Variants in C19orf47 observed in about 807,000 individuals in gnomAD.
C19orf47 encodes chromosome 19 open reading frame 47.
Under a neutral mutation model 32.3 loss-of-function variants are expected in C19orf47, and 18 were observed. The observed-to-expected ratio is 0.56, with a 90% CI of 0.39 to 0.83. The LOEUF (loss-of-function observed/expected upper bound fraction) is 0.83, where lower values mean the gene tolerates loss of function less well. C19orf47 is among the 40% of genes least tolerant of loss of function. The pLI is 0.00. For synonymous variants in C19orf47, 202 were observed against 211.1 expected (o/e 0.96, Z 0.37); for missense variants, 484 against 531.6 (o/e 0.91, Z 0.88).
Position 40,341,388 on chromosome 19 carries a change from G to T in C19orf47, c.19+451C>A, listed in dbSNP as rs555903650. On this transcript the variant is annotated intron_variant, in intron 2 of 8. Transcript: ENST00000683109. ...TATACTTTTCTATATTATAATAAAT[G>T]TCAAAATTTTTCAAAGCCACCAACT... 2.6e-5 allele frequency among the ~76,000 whole-genome samples: 4 copies of T among 152,060 alleles called. No individual in the cohort carries two copies. In the South Asian group the frequency reaches 8.3e-4, roughly 32 times the overall value.
chr19:40,309,375 G>C, the C19orf47 span, among the ~76,000 whole-genome samples: 3 of 151,998 alleles, frequency 2.0e-5, no homozygotes, highest in South Asian at 6.2e-4. Context: ...TTTTAGTAGG[G>C]ACGGGGTTTC....
At chr19:40,337,616 T>G (rs1266900010) in intron 2 of C19orf47, among the ~76,000 whole-genome samples, 4 of 152,224 alleles carry the variant, frequency 2.6e-5, no homozygotes, top group Non-Finnish European at 5.9e-5. Flanking sequence ...TATTTTAGAT[T>G]AGAAGAAATC....
chr19:40,301,232 A>AT, the C19orf47 span, among the ~76,000 whole-genome samples: 3 of 151,378 alleles, frequency 2.0e-5, no homozygotes, highest in East Asian at 1.9e-4. Context: ...ACAGATTATA[A>AT]TTTTTTTTTA....
intron 5 of C19orf47, among the ~76,000 whole-genome samples, chr19:40,333,398 G>A (rs753426815): frequency 6.6e-6 from 1 of 152,128 alleles, no homozygotes; most frequent in Middle Eastern, 3.2e-3. Context: ...ATGTGTGTGT[G>A]AGATAAGCAT....
chr19:40,345,847 TC>T (rs1201577698), intron 1 of C19orf47, among the ~76,000 whole-genome samples: 4 of 45,696 alleles, frequency 8.8e-5, no homozygotes, highest in African/African-American at 3.6e-4. Flanking sequence ...AGACTCAGTC[TC>T]AAAAAAAAAA....
At chr19:40,334,167 G>A (rs999604439) in intron 4 of C19orf47, among the ~76,000 whole-genome samples, 2 of 152,186 alleles carry the variant, frequency 1.3e-5, no homozygotes, top group African/African-American at 4.8e-5. Flanking sequence ...TGAAAAAATA[G>A]GCCAGGTGCG....
intron 1 of C19orf47, among the ~76,000 whole-genome samples, chr19:40,343,013 C>T (rs766435556): frequency 6.6e-6 from 1 of 152,136 alleles, no homozygotes; most frequent in Non-Finnish European, 1.5e-5. Context: ...AGACTGTCTC[C>T]GTTAAAAGCA....
At chr19:40,333,377 T>C (rs2077995431) in intron 5 of C19orf47, among the ~76,000 whole-genome samples, 1 of 152,156 alleles carries the variant, frequency 6.6e-6, no homozygotes. Context: ...ATGATGTACC[T>C]GATCAAAAAA....
Position 40,321,621 on chromosome 19 carries a change from C to T in C19orf47, c.*261G>A, listed in dbSNP as rs1291030664. 2.4e-6 allele frequency: 3 copies of T among 1,270,472 alleles called. No individual in the cohort carries two copies. Among genetic ancestry groups the T allele is most frequent in the Non-Finnish European group, 3.0e-6 (3 of 1,007,934 alleles). 78.7% of individuals were successfully genotyped at this position (1,270,472 alleles called of 1,614,324 possible). A position where few individuals can be genotyped will look rare whatever the true frequency, so the allele number is the denominator to read the frequency against. ...CTTGGGAGAGGTAGAAAAGTGGGTT[C>T]TGCCAAGGCCACAGCCAGAGAAGAA... On this transcript the variant is annotated 3_prime_UTR_variant, in exon 9 of 9. Transcript: ENST00000683109.
chr19:40,307,610 G>A, the C19orf47 span, among the ~76,000 whole-genome samples: 29,222 of 151,888 alleles, frequency 0.19, 3,258 homozygotes, highest in African/African-American at 0.3. Flanking sequence ...GAACTCCTGA[G>A]CTCAAGCAAT....
At chr19:40,315,314 C>T (rs965598476), downstream of C19orf47, among the ~76,000 whole-genome samples, 1 of 152,178 alleles carries the variant, frequency 6.6e-6, no homozygotes, top group African/African-American at 2.4e-5. Context: ...TATACAGCAG[C>T]TCTCTGCACT....
chr19:40,331,750 G>T (rs2077958649), intron 5 of C19orf47, among the ~76,000 whole-genome samples: 1 of 152,174 alleles, frequency 6.6e-6, no homozygotes, highest in South Asian at 2.1e-4. Context: ...TTTAAAAAAG[G>T]TATCTGTCGG....
At chr19:40,345,401 A>G (rs1054512555) in intron 1 of C19orf47, among the ~76,000 whole-genome samples, 1 of 152,044 alleles carries the variant, frequency 6.6e-6, no homozygotes, top group African/African-American at 2.4e-5. Context: ...CCTCAACTGC[A>G]CAATAAGAAT....
chr19:40,345,020 C>G (rs1243344091), intron 1 of C19orf47, among the ~76,000 whole-genome samples: 2 of 152,148 alleles, frequency 1.3e-5, no homozygotes, highest in African/African-American at 4.8e-5. Context: ...TTGGACCCCA[C>G]GCAGTCCAAT....
In C19orf47 at chr19:40,348,264, G is replaced by A. The variant is rs926824991; in HGVS notation, c.-34+60C>T. ...GAGCCCGAACTGAGTCCAGACACCC[G>A]GACGCCACCCGTCCCTACCGCAACC... On this transcript the variant is annotated intron_variant, in intron 1 of 8. Transcript: ENST00000683109. The A allele has an allele frequency of 1.4e-4, 163 of 1,184,760 alleles. No homozygotes were observed. In the African/African-American group the frequency reaches 2.5e-3, roughly 18 times the overall value. The allele number at this position is 1,184,760 out of a possible 1,614,324, so 73.4% of individuals were successfully genotyped here.
At chr19:40,310,651 G>A in the C19orf47 span, among the ~76,000 whole-genome samples, 3 of 152,238 alleles carry the variant, frequency 2.0e-5, no homozygotes, top group South Asian at 6.2e-4. Flanking sequence ...TTTTCTAAAA[G>A]CTCTTTATGT....
At chr19:40,327,352 T>A (rs1420877681) in intron 6 of C19orf47, among the ~76,000 whole-genome samples, 2 of 148,330 alleles carry the variant, frequency 1.3e-5, no homozygotes. Flanking sequence ...CAGGGTTTCA[T>A]CATCTTGTGC....
chr19:40,317,384 A>G (rs1376778755), downstream of C19orf47, among the ~76,000 whole-genome samples: 1 of 152,172 alleles, frequency 6.6e-6, no homozygotes, highest in Admixed American at 6.5e-5. Flanking sequence ...GCTTGAGACT[A>G]GTAGTTTGAG....
the C19orf47 span, among the ~76,000 whole-genome samples, chr19:40,296,277 T>C: frequency 6.6e-6 from 1 of 151,318 alleles, no homozygotes; most frequent in Admixed American, 6.6e-5. Context: ...CAATGCTGTT[T>C]GTTTGTTTGT....
Sources: allele counts gnomAD v4.1 joint callset (sites outside exome capture counted in the v4.1 genomes callset), GRCh38; gene constraint gnomAD v4.1.1; transcripts MANE v1.5; gene names NCBI Gene and HGNC (gene_info 2026-07-23, HGNC 2026-07-21).